Variants in POLI observed in about 807,000 individuals in gnomAD.
POLI encodes the protein RAD30 homolog B.
POLI carries 58 observed loss-of-function variants against 51.6 expected under a neutral mutation model. The ratio of observed to expected loss-of-function variants is 1.12; its 90% confidence interval spans 0.91 to 1.40. POLI has a LOEUF of 1.40. Among genes scored for constraint, POLI ranks in the 40% most tolerant of loss-of-function variants. The pLI is 0.00. For missense variants in POLI, 921 were observed against 871.3 expected (o/e 1.06, Z -0.72); for synonymous variants, 322 against 299.7 (o/e 1.07, Z -0.77).
intron 3 of POLI, among the ~76,000 whole-genome samples, chr18:54,315,484 G>A (rs972455795): frequency 4.6e-5 from 7 of 151,978 alleles, no homozygotes; most frequent in Non-Finnish European, 1.0e-4. Context: ...AGGTCCAATT[G>A]GTCAAGTGTT....
At chr18:54,277,962 G>A in intron 4 of POLI, 107 bp downstream of exon 4, 2 of 812,848 alleles carry the variant, frequency 2.5e-6, no homozygotes, top group South Asian at 2.0e-5. Context: ...TTTTGTTGGA[G>A]GTATAGTTAT....
At chr18:54,274,212 T>G (rs2087138323) in intron 3 of POLI, 122 bp downstream of exon 3, 1 of 458,064 alleles carries the variant, frequency 2.2e-6, no homozygotes, top group African/African-American at 2.0e-5. Flanking sequence ...AATAACTTCT[T>G]ATTTTGGGTC....
rs1210233711 is a variant in POLI, at chr18:54,297,951, A to T, written c.*3484A>T. 2.0e-6 allele frequency: 2 copies of T among 981,980 alleles called. No individual in the cohort carries two copies. The highest frequency in any genetic ancestry group is 2.4e-6 in the Non-Finnish European group (2 of 826,914). 60.8% of individuals were successfully genotyped at this position (981,980 alleles called of 1,614,324 possible). A position where few individuals can be genotyped will look rare whatever the true frequency, so the allele number is the denominator to read the frequency against. ...TCTGAAATTATGTCCTTAGAGCTGT[A>T]GATTTAGAACTGACATCTCTTGAGC... On this transcript the variant is annotated 3_prime_UTR_variant, in exon 10 of 10. Transcript: ENST00000579534.
intron 3 of POLI, among the ~76,000 whole-genome samples, chr18:54,306,193 A>G (rs2088583124): frequency 6.6e-6 from 1 of 152,216 alleles, no homozygotes; most frequent in Non-Finnish European, 1.5e-5. Context: ...CCCATTCAGT[A>G]TGATATTGGC....
Position 54,274,046 on chromosome 18 carries a change from G to A in POLI, c.362G>A (p.Gly121Glu), listed in dbSNP as rs765626984. The change falls in exon 3 of 10, where the codon GGA (glycine) becomes GAA (glutamate). Residue 121 changes from glycine (G) to glutamate (E), a missense_variant. By Grantham distance (98) the Gly-to-Glu change is moderately conservative (BLOSUM62 -2). Transcript: ENST00000579534. ...EKCPQLVLVN[G>E]EDLTRYREMS... Reference sequence around the variant, plus strand: ...TGTCCACAGTTGGTATTAGTTAATGGAGAAGACCTGACCCGCTACAGAGAA... The same window carrying A: ...TGTCCACAGTTGGTATTAGTTAATGAAGAAGACCTGACCCGCTACAGAGAA... The A allele has an allele frequency of 2.6e-6, 4 of 1,541,070 alleles. No homozygotes were observed. The Admixed American group carries it at 5.7e-5, about 22-fold the overall frequency.
chr18:54,302,104 A>G (rs1374618573), downstream of POLI, among the ~76,000 whole-genome samples: 1 of 152,188 alleles, frequency 6.6e-6, no homozygotes. Flanking sequence ...TGGCTAGGCC[A>G]TTGTTGGGGG....
rs2088191837 is a variant in POLI at position 54,294,389 on chromosome 18, A to AC, written c.2146dup (p.Leu716ProfsTer25). On this transcript the variant is annotated frameshift_variant, in exon 10 of 10. Transcript: ENST00000579534. LOFTEE classifies it high-confidence loss of function. ...ACATTGATCCTCAAGTTTTCTATGA[A>AC]CTACCAGAAGCAGTACAAAAGGAAC... 1 of 1,613,570 alleles carries AC rather than the reference A, an allele frequency of 6.2e-7. No individual in the cohort carries two copies. Among genetic ancestry groups the AC allele is most frequent in the Non-Finnish European group, 8.5e-7 (1 of 1,179,628 alleles).
Position 54,296,222 on chromosome 18 carries a change from C to T in POLI, c.*1755C>T. ...CAGGACCTTGGACAGCTAGAAGGGG[C>T]TTAAGAAAAAATGGCTAAGAAAACA... is the stretch of plus-strand genomic sequence containing the variant. On this transcript the variant is annotated 3_prime_UTR_variant, in exon 10 of 10. Transcript: ENST00000579534. 2.0e-6 allele frequency: 2 copies of T among 985,254 alleles called. No homozygotes were observed. The highest frequency in any genetic ancestry group is 4.7e-5 in the South Asian group (1 of 21,278). 61.0% of individuals were successfully genotyped at this position (985,254 alleles called of 1,614,324 possible). A position where few individuals can be genotyped will look rare whatever the true frequency, so the allele number is the denominator to read the frequency against.
chr18:54,274,755 C>T (rs569421462), intron 3 of POLI: 1 of 152,144 alleles, frequency 6.6e-6, no homozygotes, highest in South Asian at 2.1e-4. Flanking sequence ...ACCGCAATTA[C>T]TTAATATATA....
downstream of POLI, among the ~76,000 whole-genome samples, chr18:54,298,710 C>T (rs2088437458): frequency 1.3e-5 from 2 of 151,316 alleles, no homozygotes; most frequent in Non-Finnish European, 2.9e-5. Context: ...CCTGCCTCAG[C>T]CTCGAGTAGC....
intron 5 of POLI, among the ~76,000 whole-genome samples, chr18:54,282,474 A>T (rs1424873058): frequency 1.3e-5 from 2 of 152,158 alleles, no homozygotes. Flanking sequence ...CTGTGGTCTG[A>T]AAATAATAAG....
intron 3 of POLI, among the ~76,000 whole-genome samples, chr18:54,313,700 A>G (rs1017361270): frequency 2.0e-5 from 3 of 151,824 alleles, no homozygotes; most frequent in African/African-American, 7.3e-5. Context: ...CTAGGCATTT[A>G]GTTCTTTTTG....
chr18:54,286,272 A>G (rs2087737552), intron 7 of POLI, among the ~76,000 whole-genome samples: 1 of 152,212 alleles, frequency 6.6e-6, no homozygotes, highest in Non-Finnish European at 1.5e-5. Context: ...CCATGTGTAT[A>G]AAAAGGGAAA....
chr18:54,288,695 G>A (rs2087859767), intron 8 of POLI, among the ~76,000 whole-genome samples: 1 of 151,510 alleles, frequency 6.6e-6, no homozygotes, highest in Non-Finnish European at 1.5e-5. Context: ...CTGCCTGTAA[G>A]TTCTCTGATT....
At chr18:54,271,768 AT>A (rs1185978897) in intron 2 of POLI, among the ~76,000 whole-genome samples, 1 of 152,200 alleles carries the variant, frequency 6.6e-6, no homozygotes, top group Admixed American at 6.5e-5. Context: ...TGCTGGTCAG[AT>A]TTCTTTTTCT....
chr18:54,276,485 T>C (rs985514901), intron 3 of POLI, among the ~76,000 whole-genome samples: 1 of 152,248 alleles, frequency 6.6e-6, no homozygotes, highest in Non-Finnish European at 1.5e-5. Flanking sequence ...AACTTGCTTT[T>C]CTATTTAGTG....
rs2088220671 is a variant in POLI, at chr18:54,294,756, A to G, written c.*289A>G. On this transcript the variant is annotated 3_prime_UTR_variant, in exon 10 of 10. Coordinates refer to ENST00000579534, the MANE Select transcript of POLI (RefSeq NM_007195.3). ...ATATTTTTCATGAATTGGTGGGGAG[A>G]TGTATATGTTTATATATAAAAAATA... 2 of 1,003,528 alleles carry G rather than the reference A, an allele frequency of 2.0e-6. No individual in the cohort carries two copies. Among genetic ancestry groups the G allele is most frequent in the East Asian group, 8.0e-5 (1 of 12,494 alleles). The allele number at this position is 1,003,528 out of a possible 1,614,324, so 62.2% of individuals were successfully genotyped here.
intron 3 of POLI, among the ~76,000 whole-genome samples, chr18:54,307,044 C>A (rs1189585533): frequency 6.6e-6 from 1 of 152,170 alleles, no homozygotes; most frequent in Non-Finnish European, 1.5e-5. Context: ...AAACCAGCTC[C>A]TGGATTCATT....
At chr18:54,280,170 G>T (rs2087432613) in intron 4 of POLI, among the ~76,000 whole-genome samples, 1 of 152,140 alleles carries the variant, frequency 6.6e-6, no homozygotes, top group South Asian at 2.1e-4. Context: ...CTGAGACTGG[G>T]TAATTTATAA....
Sources: gnomAD v4.1 joint callset for allele counts (sites outside exome capture counted in the v4.1 genomes callset) on GRCh38, gnomAD v4.1.1 for gene constraint, MANE v1.5 for transcripts, NCBI Gene and HGNC (gene_info 2026-07-23, HGNC 2026-07-21) for gene names.